CYP2C19: variants seen among roughly 807,000 people sequenced by gnomAD.
CYP2C19 encodes the protein cytochrome P450 family 2 subfamily C member 19.
In CYP2C19, 59 loss-of-function variants were observed where a neutral mutation model predicts 40.9. The observed-to-expected ratio is 1.44, with a 90% CI of 1.17 to 1.79. The LOEUF is 1.79. CYP2C19 is among the 40% of genes most tolerant of loss of function. The probability of loss-of-function intolerance (pLI) is 0.00; values close to 1 mark genes in which losing one functional copy is unlikely to be tolerated. For missense variants in CYP2C19, 754 were observed against 596.9 expected, an observed-to-expected ratio of 1.26 and a Z score of -2.74; for synonymous variants, 253 against 208.7, an observed-to-expected ratio of 1.21 and a Z score of -1.83.
At chr10:94,806,037 C>T (rs2134256592) in intron 5 of CYP2C19, among the ~76,000 whole-genome samples, 1 of 151,926 alleles carries the variant, frequency 6.6e-6, no homozygotes, top group East Asian at 1.9e-4. Context: ...ACCCCCACCT[C>T]AAATGATAAC....
intron 8 of CYP2C19, among the ~76,000 whole-genome samples, chr10:94,851,549 C>A (rs975642846): frequency 2.0e-4 from 31 of 152,000 alleles, no homozygotes; most frequent in Non-Finnish European, 2.6e-4. Context: ...TCTGCCATAT[C>A]AAAATACCCA....
chr10:94,818,487 G>A (rs1180039965), intron 5 of CYP2C19, among the ~76,000 whole-genome samples: 1 of 149,832 alleles, frequency 6.7e-6, no homozygotes, highest in Non-Finnish European at 1.5e-5. Flanking sequence ...GGGCAGTATG[G>A]CCATTTTCAC....
At position 94,855,249 on chromosome 10, in the gene CYP2C19, C is replaced by G. The variant is rs896921831; in HGVS notation, c.*2335C>G. Among the ~76,000 whole-genome samples the G allele has an allele frequency of 2.0e-5, 3 of 152,224 alleles. No homozygotes were observed. Among genetic ancestry groups the G allele is most frequent in the Non-Finnish European group, 2.9e-5 (2 of 68,020 alleles). ...CATGTCCAGACATTATTTAGCCTACCATACTATTATTATACCCATTTGAAC... is the reference window on the plus strand; with the variant it reads ...CATGTCCAGACATTATTTAGCCTACGATACTATTATTATACCCATTTGAAC... On this transcript the variant is annotated 3_prime_UTR_variant, in exon 9 of 9. Transcript: ENST00000371321.
At chr10:94,836,936 G>A (rs1849413674) in intron 6 of CYP2C19, among the ~76,000 whole-genome samples, 1 of 150,874 alleles carries the variant, frequency 6.6e-6, no homozygotes, top group African/African-American at 2.4e-5. Flanking sequence ...AAATAGATGG[G>A]GGCTATCCTT....
At position 94,853,666 on chromosome 10, in the gene CYP2C19, C is replaced by G. The variant is rs1014968762; in HGVS notation, c.*752C>G. 3.3e-5 allele frequency among the ~76,000 whole-genome samples: 5 copies of G among 151,776 alleles called. No homozygotes were observed. The highest frequency in any genetic ancestry group is 6.6e-5 in the Admixed American group (1 of 15,238). ...GCTCAAGAGATTCTCCTGCCTCAGC[C>G]TCCTGAGTAGCTGGGATTACAGACA... On this transcript the variant is annotated 3_prime_UTR_variant, in exon 9 of 9. Transcript: ENST00000371321.
chr10:94,775,851 G>A (rs1840077049), intron 3 of CYP2C19: 1 of 427,226 alleles, frequency 2.3e-6, no homozygotes, highest in African/African-American at 2.0e-5. Context: ...AAGAGTTAAA[G>A]AGCAGTGTTT....
At chr10:94,777,842 TAA>T (rs1020862888) in intron 3 of CYP2C19, among the ~76,000 whole-genome samples, 1 of 152,098 alleles carries the variant, frequency 6.6e-6, no homozygotes, top group Non-Finnish European at 1.5e-5. Flanking sequence ...GAAACTATCA[TAA>T]GAGTGAACAG....
Position 94,804,261 on chromosome 10 carries a change from G to T in CYP2C19, c.820-16235G>T, listed in dbSNP as rs1848803952. Among the ~76,000 whole-genome samples the T allele has an allele frequency of 2.6e-5, 4 of 152,272 alleles. No individual in the cohort carries two copies. The South Asian group carries it at 8.3e-4, about 32-fold the overall frequency. ...GTAAATGTCATCACCCAGGAGAACTGCTGTAGCAGCTCTCCTTCCATCCCA... is the reference window on the plus strand; with the variant it reads ...GTAAATGTCATCACCCAGGAGAACTTCTGTAGCAGCTCTCCTTCCATCCCA... On this transcript the variant is annotated intron_variant, in intron 5 of 8. Coordinates refer to ENST00000371321, the MANE Select transcript of CYP2C19 (RefSeq NM_000769.4).
rs773061645 is a variant in CYP2C19 at position 94,849,992 on chromosome 10, C to T, written c.1225C>T (p.Pro409Ser). ...KEFPNPEMFD[P>S]RHFLDEGGNF... is the part of the protein sequence containing the mutation. The stretch of plus-strand genomic sequence containing the variant: ...ATTTCCCAACCCAGAGATGTTTGAC[C>T]CTCGTCACTTTCTGGATGAAGGTGG... The change falls in exon 8 of 9, where the codon CCT (proline) becomes TCT (serine). Residue 409 changes from proline (P) to serine (S), a missense_variant. Coordinates refer to ENST00000371321, the MANE Select transcript of CYP2C19 (RefSeq NM_000769.4). The T allele has an allele frequency of 3.7e-6, 6 of 1,613,536 alleles. No individual in the cohort carries two copies. The highest frequency in any genetic ancestry group is 5.1e-6 in the Non-Finnish European group (6 of 1,179,748).
In CYP2C19 at chr10:94,779,551, T is replaced by TTTTTCTTTTCTTTTCTTTTC. The variant is rs6144036; in HGVS notation, c.482-929_482-928insCTTTTCTTTTCTTTTCTTTT. ...CCATTTATTAATTTACTTTTTTTCC[T>TTTTTCTTTTCTTTTCTTTTC]TTTTCTTTTCTTTTCTTTTTTTTTT... On this transcript the variant is annotated intron_variant, in intron 3 of 8. Coordinates refer to ENST00000371321, the MANE Select transcript of CYP2C19 (RefSeq NM_000769.4). 9.8e-3 allele frequency among the ~76,000 whole-genome samples: 1,339 copies of TTTTTCTTTTCTTTTCTTTTC among 136,164 alleles called. 19 individuals are homozygous for TTTTTCTTTTCTTTTCTTTTC. Among genetic ancestry groups the TTTTTCTTTTCTTTTCTTTTC allele is most frequent in the South Asian group, 0.018 (78 of 4,254 alleles). 89.3% of individuals were successfully genotyped at this position (136,164 alleles called of 152,430 possible).
Position 94,775,052 on chromosome 10 carries a change from T to G in CYP2C19, c.169-6T>G. The stretch of plus-strand genomic sequence containing the variant: ...CATTTGCTGTTAACTGTATCTCCTT[T>G]TCTAGCTCTCAAAAATCTATGGCCC... On this transcript the variant is annotated splice_region_variant and splice_polypyrimidine_tract_variant and intron_variant, in intron 1 of 8. Transcript: ENST00000371321. The G allele has an allele frequency of 6.2e-7, 1 of 1,613,940 alleles. No individual in the cohort carries two copies. Among genetic ancestry groups the G allele is most frequent in the Non-Finnish European group, 8.5e-7 (1 of 1,179,900 alleles).
chr10:94,784,720 G>A (rs1032309129), intron 5 of CYP2C19, among the ~76,000 whole-genome samples: 2 of 151,962 alleles, frequency 1.3e-5, no homozygotes, highest in Non-Finnish European at 2.9e-5. Flanking sequence ...CTTCAGAGTA[G>A]CTGGGATTAC....
rs930592061 is a variant in CYP2C19 at position 94,852,943 on chromosome 10, T to C, written c.*29T>C. The C allele has an allele frequency of 2.5e-6, 4 of 1,611,798 alleles. No individual in the cohort carries two copies. The highest frequency in any genetic ancestry group is 3.4e-6 in the Non-Finnish European group (4 of 1,178,170). ...AGCACAGATGGTCTGGCTGCTCCTG[T>C]GCTGTCCCTGCAGCTCTCTTTCCTC... is the stretch of plus-strand genomic sequence containing the variant. On this transcript the variant is annotated 3_prime_UTR_variant, in exon 9 of 9. Coordinates refer to ENST00000371321, the MANE Select transcript of CYP2C19 (RefSeq NM_000769.4).
At chr10:94,775,571 T>A in intron 3 of CYP2C19, 32 bp downstream of exon 3, 2 of 1,613,838 alleles carry the variant, frequency 1.2e-6, no homozygotes, top group Non-Finnish European at 1.7e-6. Flanking sequence ...CACTGACCTT[T>A]CTGGACTGCT....
chr10:94,850,497 A>G (rs541201321), intron 8 of CYP2C19, among the ~76,000 whole-genome samples: 1 of 152,268 alleles, frequency 6.6e-6, no homozygotes, highest in Admixed American at 6.5e-5. Context: ...GGGTCTTAAG[A>G]GGCTCACTTC....
At chr10:94,802,427 A>C (rs555345731) in intron 5 of CYP2C19, among the ~76,000 whole-genome samples, 13 of 151,746 alleles carry the variant, frequency 8.6e-5, no homozygotes, top group African/African-American at 2.9e-4. Flanking sequence ...ATTGCTTTCT[A>C]TCTGCTTGGT....
intron 1 of CYP2C19, among the ~76,000 whole-genome samples, chr10:94,766,304 T>TTATA (rs1554847863): frequency 1.3e-5 from 2 of 151,160 alleles, no homozygotes; most frequent in African/African-American, 4.9e-5. Context: ...GGAGGGGTGA[T>TTATA]TGAGGTATCC....
intron 1 of CYP2C19, among the ~76,000 whole-genome samples, chr10:94,771,297 A>G (rs1344776199): frequency 1.3e-5 from 2 of 152,090 alleles, no homozygotes; most frequent in East Asian, 3.9e-4. Flanking sequence ...GCTTATCATT[A>G]ATAGGAAGTG....
intron 6 of CYP2C19, among the ~76,000 whole-genome samples, chr10:94,830,581 G>A (rs1293377670): frequency 1.3e-5 from 2 of 152,130 alleles, no homozygotes; most frequent in East Asian, 3.9e-4. Flanking sequence ...GATGAACCGG[G>A]TACCTCAGAT....
Sources: allele counts gnomAD v4.1 joint callset (sites outside exome capture counted in the v4.1 genomes callset), GRCh38; gene constraint gnomAD v4.1.1; transcripts MANE v1.5; gene names NCBI Gene and HGNC (gene_info 2026-07-23, HGNC 2026-07-21).